The following TSHZ2 variants were observed in gnomAD, a reference collection of about 807,000 sequenced individuals.
The protein encoded by TSHZ2 is teashirt zinc finger homeobox 2, also known as teashirt homolog 2.
A neutral mutation model predicts 74.4 loss-of-function variants in TSHZ2; 21 were observed. That is an observed-to-expected ratio of 0.28 (90% CI 0.20 to 0.41). The LOEUF is 0.41. TSHZ2 is among the 10% of genes least tolerant of loss of function. The pLI, the probability that TSHZ2 is intolerant of heterozygous loss-of-function variation, is 1.00. For synonymous variants in TSHZ2, 540 were observed against 515.3 expected (o/e 1.05, Z -0.65); for missense variants, 1,244 against 1,293.5 (o/e 0.96, Z 0.59).
intron 2 of TSHZ2, among the ~76,000 whole-genome samples, chr20:53,297,102 T>C (rs945865925): frequency 6.6e-6 from 1 of 151,954 alleles, no homozygotes; most frequent in African/African-American, 2.4e-5. Context: ...TATTCCAAGT[T>C]ATTATAGTCT....
intron 1 of TSHZ2, among the ~76,000 whole-genome samples, chr20:53,218,119 G>A (rs1989476893): frequency 6.6e-6 from 1 of 152,222 alleles, no homozygotes. Flanking sequence ...CTCAAGTCTG[G>A]TTCTTTCAAG....
In TSHZ2 at chr20:52,988,509, A is replaced by G. The variant is rs6022199; in HGVS notation, c.40+15176A>G. On this transcript the variant is annotated intron_variant, in intron 1 of 2. Transcript: ENST00000371497. ...AGACTCACATAAATAAACTTCCACA[A>G]TATAGTATAGATACATGGAGGCTAA... 8.2e-3 allele frequency among the ~76,000 whole-genome samples: 1,248 copies of G among 152,166 alleles called. 15 individuals are homozygous for G. Among genetic ancestry groups the G allele is most frequent in the African/African-American group, 0.028 (1,180 of 41,498 alleles).
chr20:53,050,101 GTGTATA>G (rs1406468359), intron 1 of TSHZ2, among the ~76,000 whole-genome samples: 13 of 60,496 alleles, frequency 2.1e-4, no homozygotes, highest in African/African-American at 1.7e-3. Context: ...ATGTATATGT[GTGTATA>G]TATATATATA....
intron 2 of TSHZ2, among the ~76,000 whole-genome samples, chr20:53,395,893 G>A (rs1338361670): frequency 2.0e-5 from 3 of 152,206 alleles, no homozygotes; most frequent in East Asian, 1.9e-4. Flanking sequence ...TGACCTTGGG[G>A]TAATGAGATA....
intron 2 of TSHZ2, among the ~76,000 whole-genome samples, chr20:53,316,241 G>T (rs1440729488): frequency 7.2e-5 from 11 of 152,188 alleles, no homozygotes; most frequent in Admixed American, 7.2e-4. Flanking sequence ...TCATCACTTG[G>T]TTCATTGTTG....
chr20:53,022,253 G>A (rs1983271243), intron 1 of TSHZ2, among the ~76,000 whole-genome samples: 1 of 152,204 alleles, frequency 6.6e-6, no homozygotes, highest in Non-Finnish European at 1.5e-5. Flanking sequence ...ATTTATCGTG[G>A]AGTCCCTTAC....
Position 53,391,763 on chromosome 20 carries a change from C to T in TSHZ2, c.*9-95381C>T, listed in dbSNP as rs989844867. On this transcript the variant is annotated intron_variant, in intron 2 of 2. Coordinates refer to ENST00000371497, the MANE Select transcript of TSHZ2 (RefSeq NM_173485.6). ...TTTGAGAACAGTGTGGCCAACATGGCGAAACCCTGTCTCTACTAAAAATAC... is the reference window on the plus strand; with the variant it reads ...TTTGAGAACAGTGTGGCCAACATGGTGAAACCCTGTCTCTACTAAAAATAC... Among the ~76,000 whole-genome samples the T allele has an allele frequency of 3.3e-5, 5 of 152,020 alleles. No homozygotes were observed. The East Asian group carries it at 7.7e-4, about 23-fold the overall frequency.
rs1433679804 is a variant in TSHZ2 at position 53,456,187 on chromosome 20, AG to A, written c.*9-30956del. Among the ~76,000 whole-genome samples, 3 of 150,364 alleles carry A rather than the reference AG, an allele frequency of 2.0e-5. No individual in the cohort carries two copies. The East Asian group carries it at 5.9e-4, about 30-fold the overall frequency. The stretch of plus-strand genomic sequence containing the variant: ...TTTACAGTCCCACCAACAGTGTAAA[AG>A]TGTTCCTATTTCTCCACATCCTCTC... On this transcript the variant is annotated intron_variant, in intron 2 of 2. Transcript: ENST00000371497.
intron 1 of TSHZ2, among the ~76,000 whole-genome samples, chr20:52,997,012 AG>A (rs58837006): frequency 0.034 from 5,144 of 152,224 alleles, 227 homozygotes; most frequent in East Asian, 0.23. Context: ...CTCAAGCACG[AG>A]GGGGTGGCAT....
Position 53,212,275 on chromosome 20 carries a change from T to A in TSHZ2, c.41-41224T>A, listed in dbSNP as rs907347726. Among the ~76,000 whole-genome samples, 3 of 152,224 alleles carry A rather than the reference T, an allele frequency of 2.0e-5. No homozygotes were observed. In the South Asian group the frequency reaches 6.2e-4, roughly 32 times the overall value. On this transcript the variant is annotated intron_variant, in intron 1 of 2. Coordinates refer to ENST00000371497, the MANE Select transcript of TSHZ2 (RefSeq NM_173485.6). Reference sequence around the variant, plus strand: ...GCAATGACAACATACTTGCGGATATTTGAGCTATTTCTTTAGAGGAAAAAA... The same window carrying A: ...GCAATGACAACATACTTGCGGATATATGAGCTATTTCTTTAGAGGAAAAAA...
Position 53,489,837 on chromosome 20 carries a change from G to A in TSHZ2, c.*2702G>A, listed in dbSNP as rs892919583. ...ATCACCACTCAGCATATTCCTAGAG[G>A]CCAGGCCTGTCTTCACTCAGCCAGC... On this transcript the variant is annotated 3_prime_UTR_variant, in exon 3 of 3. Coordinates refer to ENST00000371497, the MANE Select transcript of TSHZ2 (RefSeq NM_173485.6). 6.6e-6 allele frequency: 1 copy of A among 152,216 alleles called. No individual in the cohort carries two copies. Among genetic ancestry groups the A allele is most frequent in the Admixed American group, 6.5e-5 (1 of 15,284 alleles). The allele number at this position is 152,216 out of a possible 1,614,324, so 9.4% of individuals were successfully genotyped here. A position where few individuals can be genotyped will look rare whatever the true frequency, so the allele number is the denominator to read the frequency against.
rs375220676 is a variant in TSHZ2 at position 53,347,209 on chromosome 20, G to GTC, written c.*8+90641_*8+90642dup. On this transcript the variant is annotated intron_variant, in intron 2 of 2. Transcript: ENST00000371497. ...ATCATTCTTCGTTGGGGTGGGAGGGGTCTCCTGTGCACTGTAAGTTGTTGA... is the reference window on the plus strand; with the variant it reads ...ATCATTCTTCGTTGGGGTGGGAGGGGTCTCTCCTGTGCACTGTAAGTTGTTGA... Among the ~76,000 whole-genome samples the GTC allele has an allele frequency of 3.0e-3, 450 of 152,250 alleles. 2 individuals are homozygous for GTC. The highest frequency in any genetic ancestry group is 0.01 in the African/African-American group (425 of 41,532).
chr20:53,304,918 CTACA>C (rs1978461957), intron 2 of TSHZ2, among the ~76,000 whole-genome samples: 3 of 150,334 alleles, frequency 2.0e-5, no homozygotes, highest in Non-Finnish European at 3.0e-5. Context: ...GCATGAGCCA[CTACA>C]CACGGCCTTA....
chr20:53,305,196 C>T (rs1978478857), intron 2 of TSHZ2, among the ~76,000 whole-genome samples: 1 of 152,150 alleles, frequency 6.6e-6, no homozygotes, highest in South Asian at 2.1e-4. Flanking sequence ...CCTCGGCCTC[C>T]CAAAGTGCTG....
intron 1 of TSHZ2, among the ~76,000 whole-genome samples, chr20:53,170,850 A>T (rs372978972): frequency 6.6e-6 from 1 of 152,184 alleles, no homozygotes; most frequent in African/African-American, 2.4e-5. Context: ...CCCAAGACAC[A>T]CGTCTCTGGC....
At chr20:53,036,307 T>C (rs551247593) in intron 1 of TSHZ2, among the ~76,000 whole-genome samples, 30 of 152,326 alleles carry the variant, frequency 2.0e-4, no homozygotes, top group Non-Finnish European at 3.8e-4. Context: ...TGCAAGACAC[T>C]GTGATCCGAA....
chr20:53,229,766 G>T (rs1029882040), intron 1 of TSHZ2, among the ~76,000 whole-genome samples: 1 of 150,794 alleles, frequency 6.6e-6, no homozygotes, highest in East Asian at 2.0e-4. Flanking sequence ...AAAGGAGGGG[G>T]AAAGGAGGGA....
rs567529192 is a variant in TSHZ2, at chr20:53,184,426, T to A, written c.41-69073T>A. On this transcript the variant is annotated intron_variant, in intron 1 of 2. Coordinates refer to ENST00000371497, the MANE Select transcript of TSHZ2 (RefSeq NM_173485.6). ...GTTTTGGAGGTCAATATTGTTTTTC[T>A]GAGCATTTTACTCCTTTTTAAAAAT... 3.0e-4 allele frequency among the ~76,000 whole-genome samples: 46 copies of A among 152,348 alleles called. 1 individual carries two copies. The South Asian group carries it at 9.1e-3, about 30-fold the overall frequency.
rs768645390 is a variant in TSHZ2 at position 53,254,434 on chromosome 20, G to T, written c.976G>T (p.Asp326Tyr). 3.1e-6 allele frequency: 5 copies of T among 1,612,970 alleles called. No individual in the cohort carries two copies. In the South Asian group the frequency reaches 4.4e-5, roughly 14 times the overall value. ...CACCCCGGCTAAGAAACGCGTTTTT[G>T]ATGTCAATCGGCCGTGTTCCCCCGA... ...MVTPAKKRVF[D>Y]VNRPCSPDST... The change falls in exon 2 of 3, where the codon GAT becomes TAT. Residue 326 changes from aspartate (D) to tyrosine (Y), a missense_variant. Asp to Tyr is a radical substitution (Grantham distance 160, BLOSUM62 -3). Around this residue, in one of 6 missense-constraint regions of TSHZ2, gnomAD observed 470 missense variants for 456.5 expected, o/e 1.03. Transcript: ENST00000371497.
Sources: allele counts gnomAD v4.1 joint callset (sites outside exome capture counted in the v4.1 genomes callset), GRCh38; gene constraint gnomAD v4.1.1; regional missense constraint gnomAD v4.1.1; transcripts MANE v1.5; gene names NCBI Gene and HGNC (gene_info 2026-07-23, HGNC 2026-07-21).